The following LRP1B variants were observed in gnomAD, a reference collection of about 807,000 sequenced individuals.
LRP1B encodes LDL receptor related protein 1B.
Under a neutral mutation model 556.6 loss-of-function variants are expected in LRP1B, and 217 were observed. That is an observed-to-expected ratio of 0.39 (90% CI 0.35 to 0.44). The LOEUF is 0.44. Among genes scored for constraint, LRP1B ranks in the 20% least tolerant of loss-of-function variants. The pLI, the probability that LRP1B is intolerant of heterozygous loss-of-function variation, is 1.00. For synonymous variants in LRP1B, 2,047 were observed against 1,865.8 expected (o/e 1.10, Z -2.50); for missense variants, 5,053 against 5,620.8 (o/e 0.90, Z 3.23).
At chr2:141,574,237 T>G (rs1686647882) in intron 2 of LRP1B, among the ~76,000 whole-genome samples, 1 of 152,246 alleles carries the variant, frequency 6.6e-6, no homozygotes, top group African/African-American at 2.4e-5. Flanking sequence ...ATCAAAAAAC[T>G]TATCCACCAC....
chr2:141,327,207 A>G (rs1687460399), intron 3 of LRP1B, among the ~76,000 whole-genome samples: 1 of 152,152 alleles, frequency 6.6e-6, no homozygotes, highest in African/African-American at 2.4e-5. Context: ...AATGAGTTTG[A>G]TTTTAGATCT....
At chr2:141,404,891 T>C (rs1363460809) in intron 3 of LRP1B, among the ~76,000 whole-genome samples, 1 of 152,180 alleles carries the variant, frequency 6.6e-6, no homozygotes, top group African/African-American at 2.4e-5. Flanking sequence ...GAATATGTTT[T>C]TTTTTTTTAC....
chr2:140,497,971 C>T (rs985250855), intron 55 of LRP1B, among the ~76,000 whole-genome samples: 3 of 151,630 alleles, frequency 2.0e-5, no homozygotes, highest in African/African-American at 7.3e-5. Flanking sequence ...AAATGTATTT[C>T]TCAATCTGTT....
At chr2:140,963,616 T>C (rs971482777) in intron 18 of LRP1B, among the ~76,000 whole-genome samples, 11 of 152,142 alleles carry the variant, frequency 7.2e-5, no homozygotes, top group Non-Finnish European at 1.6e-4. Context: ...GTTAGCTCCT[T>C]CCTACCAGAA....
At chr2:140,568,200 CA>C (rs56676136) in intron 43 of LRP1B, among the ~76,000 whole-genome samples, 84,547 of 123,464 alleles carry the variant, frequency 0.68, 28,724 homozygotes, top group Admixed American at 0.76. Flanking sequence ...CACCATGGTC[CA>C]AAAAAAAAAA....
intron 2 of LRP1B, among the ~76,000 whole-genome samples, chr2:141,508,085 C>CCCT (rs1490408877): frequency 6.8e-4 from 20 of 29,378 alleles, no homozygotes; most frequent in African/African-American, 2.1e-3. Context: ...GACTCCATCC[C>CCCT]CCCCCCAAAA....
intron 53 of LRP1B, among the ~76,000 whole-genome samples, chr2:140,505,745 A>T (rs1396125436): frequency 2.0e-5 from 3 of 152,220 alleles, no homozygotes; most frequent in Non-Finnish European, 2.9e-5. Context: ...AGTGAGATTC[A>T]TATCAAAGGC....
intron 55 of LRP1B, among the ~76,000 whole-genome samples, chr2:140,500,143 C>A (rs893752491): frequency 6.6e-6 from 1 of 151,796 alleles, no homozygotes; most frequent in Admixed American, 6.6e-5. Flanking sequence ...AGTTCATATT[C>A]TAAGTTTACA....
intron 2 of LRP1B, among the ~76,000 whole-genome samples, chr2:141,503,546 G>A (rs971885895): frequency 4.6e-5 from 7 of 151,998 alleles, no homozygotes; most frequent in Non-Finnish European, 2.9e-5. Flanking sequence ...GAATGTAGAA[G>A]TAATGCAAGT....
chr2:141,205,279 A>G (rs1382142242), intron 6 of LRP1B, among the ~76,000 whole-genome samples: 1 of 152,210 alleles, frequency 6.6e-6, no homozygotes, highest in African/African-American at 2.4e-5. Flanking sequence ...AAAAGAATTG[A>G]TAACTTGTAT....
chr2:141,046,675 T>C (rs1255681393), intron 11 of LRP1B, among the ~76,000 whole-genome samples: 2 of 152,098 alleles, frequency 1.3e-5, no homozygotes, highest in African/African-American at 2.4e-5. Context: ...CCAATGTCCT[T>C]GATATTATTC....
intron 3 of LRP1B, among the ~76,000 whole-genome samples, chr2:141,452,206 G>A (rs1330982114): frequency 3.3e-5 from 5 of 152,162 alleles, no homozygotes; most frequent in Non-Finnish European, 5.9e-5. Context: ...GATAAGAGGT[G>A]TAGAGCATCA....
chr2:140,884,675 T>C (rs1047702666), intron 24 of LRP1B, among the ~76,000 whole-genome samples: 2 of 152,160 alleles, frequency 1.3e-5, no homozygotes, highest in African/African-American at 4.8e-5. Flanking sequence ...TTCTTATTTA[T>C]CCACTATTGA....
At chr2:141,354,787 AC>A (rs1559025268) in intron 3 of LRP1B, among the ~76,000 whole-genome samples, 1 of 151,958 alleles carries the variant, frequency 6.6e-6, no homozygotes, top group Non-Finnish European at 1.5e-5. Context: ...TAAAAAAAAA[AC>A]TGAAAAAAAT....
At chr2:141,799,709 T>C (rs1246778954) in intron 2 of LRP1B, among the ~76,000 whole-genome samples, 1 of 152,122 alleles carries the variant, frequency 6.6e-6, no homozygotes, top group Non-Finnish European at 1.5e-5. Flanking sequence ...TTTCAACATG[T>C]TAAATTTGTG....
At position 141,886,867 on chromosome 2, in the gene LRP1B, T is replaced by C. The variant is rs1699130473; in HGVS notation, c.83-76466A>G. Among the ~76,000 whole-genome samples the C allele has an allele frequency of 2.6e-5, 4 of 152,186 alleles. No individual in the cohort carries two copies. In the South Asian group the frequency reaches 8.3e-4, roughly 31 times the overall value. Reference sequence around the variant, plus strand: ...TAGATAATCTACGCTAGCTGCTGTTTCTTGTACAGAAGTTGGTTGATATCG... The same window carrying C: ...TAGATAATCTACGCTAGCTGCTGTTCCTTGTACAGAAGTTGGTTGATATCG... On this transcript the variant is annotated intron_variant, in intron 1 of 90. Transcript: ENST00000389484.
At chr2:141,932,852 TATC>T (rs1264223451) in intron 1 of LRP1B, among the ~76,000 whole-genome samples, 1 of 152,014 alleles carries the variant, frequency 6.6e-6, no homozygotes, top group Non-Finnish European at 1.5e-5. Flanking sequence ...AAAAGAGAAG[TATC>T]ATAAAAATGA....
rs376407903 is a variant in LRP1B, at chr2:140,702,125, T to A, written c.6302+16A>T. On this transcript the variant is annotated intron_variant, in intron 39 of 90. Transcript: ENST00000389484. ...TAACATTTTGAGACTCAAATACTTA[T>A]GAAAAAATAAATTACCTGTCAGACC... is the stretch of plus-strand genomic sequence containing the variant. 3.1e-6 allele frequency: 5 copies of A among 1,611,084 alleles called. No homozygotes were observed. In the African/African-American group the frequency reaches 6.7e-5, roughly 22 times the overall value.
At chr2:141,651,806 G>A (rs747676879) in intron 2 of LRP1B, among the ~76,000 whole-genome samples, 9 of 152,112 alleles carry the variant, frequency 5.9e-5, no homozygotes, top group African/African-American at 4.8e-5. Context: ...TTTAACTGAG[G>A]TTTACTTTAT....
Sources: gnomAD v4.1 joint callset for allele counts (sites outside exome capture counted in the v4.1 genomes callset) on GRCh38, gnomAD v4.1.1 for gene constraint, MANE v1.5 for transcripts, NCBI Gene and HGNC (gene_info 2026-07-23, HGNC 2026-07-21) for gene names.